FBLN2: variants seen among roughly 807,000 people sequenced by gnomAD.
The protein encoded by FBLN2 is fibulin-2.
FBLN2 carries 81 observed loss-of-function variants against 123.7 expected under a neutral mutation model. The ratio of observed to expected loss-of-function variants is 0.65; its 90% CI spans 0.55 to 0.79. The LOEUF (loss-of-function observed/expected upper bound fraction) is 0.79, where lower values mean the gene tolerates loss of function less well. Among genes scored for constraint, FBLN2 ranks in the 30% least tolerant of loss-of-function variants. The pLI, the probability that FBLN2 is intolerant of heterozygous loss-of-function variation, is 0.00. For synonymous variants in FBLN2, 699 were observed against 701.4 expected (o/e 1.00, Z 0.05); for missense variants, 1,603 against 1,681.3 (o/e 0.95, Z 0.81).
chr3:13,626,048 G>A (rs1318204751), intron 9 of FBLN2, among the ~76,000 whole-genome samples: 2 of 151,742 alleles, frequency 1.3e-5, no homozygotes, highest in African/African-American at 2.4e-5. Flanking sequence ...GACCCATCCC[G>A]CCCAGCGCCC....
At chr3:13,619,125 C>T (rs369660421) in intron 7 of FBLN2, 108 bp downstream of exon 7, 34 of 765,346 alleles carry the variant, frequency 4.4e-5, no homozygotes, top group African/African-American at 3.5e-4. Flanking sequence ...GCAAGATGGC[C>T]CCTCCAAAGG....
intron 2 of FBLN2, among the ~76,000 whole-genome samples, chr3:13,586,510 T>A (rs1478175265): frequency 2.6e-4 from 38 of 148,746 alleles, no homozygotes; most frequent in Non-Finnish European, 4.5e-4. Flanking sequence ...TTTTTTTTTT[T>A]TTATTGAAAT....
intron 1 of FBLN2, among the ~76,000 whole-genome samples, chr3:13,566,141 C>T (rs926539551): frequency 2.0e-5 from 3 of 152,016 alleles, no homozygotes; most frequent in South Asian, 2.1e-4. Flanking sequence ...ACTGTCCCCC[C>T]GCAGGGAGGT....
chr3:13,588,218 C>A (rs191850388), intron 2 of FBLN2, among the ~76,000 whole-genome samples: 1 of 152,198 alleles, frequency 6.6e-6, no homozygotes, highest in Non-Finnish European at 1.5e-5. Flanking sequence ...GCCTGTAGTA[C>A]TCAGTACAGT....
rs1211158033 is a variant in FBLN2, at chr3:13,625,164, T to C, written c.2297-1281T>C. The stretch of plus-strand genomic sequence containing the variant: ...TCTGAGTTGGTGGCCTCTGTGGCCC[T>C]GGGGCAGTTTCTGAGTTGGTGGCCT... On this transcript the variant is annotated intron_variant, in intron 9 of 17. Transcript: ENST00000404922. Among the ~76,000 whole-genome samples the C allele has an allele frequency of 3.4e-5, 5 of 145,764 alleles. No individual in the cohort carries two copies. In the East Asian group the frequency reaches 8.1e-4, roughly 24 times the overall value.
chr3:13,569,342 T>G (rs1321722093), intron 1 of FBLN2, among the ~76,000 whole-genome samples: 2 of 151,986 alleles, frequency 1.3e-5, no homozygotes, highest in Non-Finnish European at 2.9e-5. Context: ...TGGGGCGGGC[T>G]GTGGGGCCGT....
chr3:13,620,193 TC>T (rs1347153652), intron 8 of FBLN2, among the ~76,000 whole-genome samples: 2 of 151,920 alleles, frequency 1.3e-5, no homozygotes, highest in Non-Finnish European at 2.9e-5. Flanking sequence ...TCCCCAAAGA[TC>T]GAGTCAATAG....
At chr3:13,624,903 G>A (rs138507214) in intron 9 of FBLN2, among the ~76,000 whole-genome samples, 207 of 152,396 alleles carry the variant, frequency 1.4e-3, no homozygotes, top group African/African-American at 4.5e-3. Context: ...CTGGCTTAGC[G>A]CTGGCCTTGG....
At chr3:13,577,473 G>A (rs1371491810) in intron 2 of FBLN2, among the ~76,000 whole-genome samples, 1 of 152,178 alleles carries the variant, frequency 6.6e-6, no homozygotes, top group East Asian at 1.9e-4. Flanking sequence ...GCTGTCCAGG[G>A]CCTGTGGCCA....
rs758652354 is a variant in FBLN2 at position 13,571,457 on chromosome 3, G to A, written c.1102G>A (p.Val368Ile). The change falls in exon 2 of 18, where the codon GTC becomes ATC. Residue 368 changes from valine to isoleucine, a missense_variant. Coordinates refer to ENST00000404922, the MANE Select transcript of FBLN2 (RefSeq NM_001004019.2). The part of the protein sequence containing the change: ...HAPSLGKAAL[V>I]PTQAVPGSPR... The stretch of plus-strand genomic sequence containing the variant: ...ACCGAGCCTGGGCAAGGCTGCTCTC[G>A]TCCCAACTCAGGCCGTGCCTGGCTC... The A allele has an allele frequency of 6.8e-6, 11 of 1,612,966 alleles. No homozygotes were observed. Among genetic ancestry groups the A allele is most frequent in the East Asian group, 4.5e-5 (2 of 44,832 alleles).
intron 2 of FBLN2, among the ~76,000 whole-genome samples, chr3:13,577,942 G>A (rs1704202356): frequency 6.6e-6 from 1 of 152,214 alleles, no homozygotes; most frequent in South Asian, 2.1e-4. Flanking sequence ...TGTCATCTTG[G>A]GGCTGTAGCA....
In FBLN2 at chr3:13,609,603, G is replaced by A; in HGVS notation, c.1509G>A (p.Gly503=). Residue 503 remains glycine (G), a synonymous_variant, in exon 4 of 18, where the codon GGG becomes GGA. Transcript: ENST00000404922. ...VLGAKEGETC[G]AEDNDSCGIS... Reference sequence around the variant, plus strand: ...GAGCCAAGGAGGGTGAGACCTGTGGGGCTGAGGACAACGACAGCTGCGGCA... The same window carrying A: ...GAGCCAAGGAGGGTGAGACCTGTGGAGCTGAGGACAACGACAGCTGCGGCA... 1 of 1,572,108 alleles carries A rather than the reference G, an allele frequency of 6.4e-7. No individual in the cohort carries two copies. The highest frequency in any genetic ancestry group is 8.6e-7 in the Non-Finnish European group (1 of 1,158,968).
intron 2 of FBLN2, among the ~76,000 whole-genome samples, chr3:13,572,629 A>T (rs1260432534): frequency 6.6e-6 from 1 of 152,250 alleles, no homozygotes; most frequent in Non-Finnish European, 1.5e-5. Flanking sequence ...TAGGCGGCCC[A>T]GGCCTCTTCT....
At chr3:13,610,716 A>C (rs948295034) in intron 4 of FBLN2, among the ~76,000 whole-genome samples, 2 of 152,022 alleles carry the variant, frequency 1.3e-5, no homozygotes, top group Non-Finnish European at 2.9e-5. Context: ...TTCCTGGAAC[A>C]CTGGTTTTTC....
Position 13,631,539 on chromosome 3 carries a change from TTGCG to T in FBLN2, c.3214+86_3214+89del, listed in dbSNP as rs2124910080. ...GCAGGCACAGAAAAGCTCACACAGC[TTGCG>T]TGCACTTGGAGCCCCCACACCCAGT... is the stretch of plus-strand genomic sequence containing the variant. On this transcript the variant is annotated intron_variant, in intron 16 of 17. Coordinates refer to ENST00000404922, the MANE Select transcript of FBLN2 (RefSeq NM_001004019.2). The T allele has an allele frequency of 2.7e-6, 4 of 1,460,186 alleles. No individual in the cohort carries two copies. The East Asian group carries it at 1.0e-4, about 37-fold the overall frequency. The allele number at this position is 1,460,186 out of a possible 1,614,324, so 90.5% of individuals were successfully genotyped here. A position where few individuals can be genotyped will look rare whatever the true frequency, so the allele number is the denominator to read the frequency against.
At chr3:13,626,311 A>T in intron 9 of FBLN2, 134 bp from the exon 10 acceptor site, 1 of 861,050 alleles carries the variant, frequency 1.2e-6, no homozygotes, top group African/African-American at 1.7e-5. Context: ...GACATCAGCC[A>T]CATCTCCGAA....
At chr3:13,618,335 C>T in intron 6 of FBLN2, 50 bp downstream of exon 6, 1 of 1,578,190 alleles carries the variant, frequency 6.3e-7, no homozygotes, top group Middle Eastern at 1.7e-4. Flanking sequence ...GCTGATCTTG[C>T]CAGGGGGTGT....
intron 1 of FBLN2, among the ~76,000 whole-genome samples, chr3:13,565,231 C>A (rs552437986): frequency 2.7e-4 from 41 of 152,362 alleles, no homozygotes; most frequent in African/African-American, 9.4e-4. Flanking sequence ...CTGGTCCCCC[C>A]ACCCACAGCA....
chr3:13,626,857 C>T (rs1450042717), intron 10 of FBLN2, among the ~76,000 whole-genome samples: 2 of 152,162 alleles, frequency 1.3e-5, no homozygotes, highest in East Asian at 3.9e-4. Context: ...GTCTGGGTGC[C>T]AGTTATCCCC....
Sources: allele counts gnomAD v4.1 joint callset (sites outside exome capture counted in the v4.1 genomes callset), GRCh38; gene constraint gnomAD v4.1.1; transcripts MANE v1.5; gene names NCBI Gene and HGNC (gene_info 2026-07-23, HGNC 2026-07-21).